ZNF652: variants seen among roughly 807,000 people sequenced by gnomAD.
The protein encoded by ZNF652 is zinc finger protein 652.
A neutral mutation model predicts 45.2 loss-of-function variants in ZNF652; 16 were observed. That is an observed-to-expected ratio of 0.35 (90% CI 0.24 to 0.54). The LOEUF is 0.54. Ranked by LOEUF, ZNF652 falls within the 20% of genes least tolerant of loss-of-function variation. The pLI, the probability that ZNF652 is intolerant of heterozygous loss-of-function variation, is 0.91. For synonymous variants in ZNF652, 250 were observed against 260.6 expected, an observed-to-expected ratio of 0.96 and a Z score of 0.39; for missense variants, 614 against 765.6, an observed-to-expected ratio of 0.80 and a Z score of 2.34.
At chr17:49,308,978 G>C (rs892732829) in intron 5 of ZNF652, among the ~76,000 whole-genome samples, 5 of 151,804 alleles carry the variant, frequency 3.3e-5, no homozygotes, top group Non-Finnish European at 7.4e-5. Flanking sequence ...ACATTTAAGG[G>C]TCTAAAAAAA....
Position 49,335,630 on chromosome 17 carries a change from T to C in ZNF652, c.-258-17647A>G, listed in dbSNP as rs190541609. On this transcript the variant is annotated intron_variant, in intron 1 of 5. Transcript: ENST00000430262. ...CATACTTTATTTGTTACTAATCAAATATATATATAACAGCCAGTTATGATA... is the reference window on the plus strand; with the variant it reads ...CATACTTTATTTGTTACTAATCAAACATATATATAACAGCCAGTTATGATA... 2.7e-4 allele frequency among the ~76,000 whole-genome samples: 41 copies of C among 152,288 alleles called. 1 individual carries two copies. Among genetic ancestry groups the C allele is most frequent in the African/African-American group, 9.6e-4 (40 of 41,562 alleles).
At chr17:49,348,846 G>C (rs2070239922) in intron 1 of ZNF652, among the ~76,000 whole-genome samples, 1 of 152,082 alleles carries the variant, frequency 6.6e-6, no homozygotes, top group South Asian at 2.1e-4. Context: ...ACTCATCCTA[G>C]TGTGTTTTTT....
chr17:49,353,926 C>A (rs1368248307), intron 1 of ZNF652, among the ~76,000 whole-genome samples: 1 of 152,152 alleles, frequency 6.6e-6, no homozygotes, highest in Non-Finnish European at 1.5e-5. Flanking sequence ...AAACATAAAT[C>A]ATCTTTAAAG....
At position 49,349,342 on chromosome 17, in the gene ZNF652, T is replaced by A. The variant is rs568406143; in HGVS notation, c.-259+12567A>T. ...TGAATCCAGGAGGCAGAGGTTGCAG[T>A]GAGTCGAGATCACACCATTGCACTC... On this transcript the variant is annotated intron_variant, in intron 1 of 5. Transcript: ENST00000430262. 9.2e-5 allele frequency among the ~76,000 whole-genome samples: 14 copies of A among 152,040 alleles called. No homozygotes were observed. The South Asian group carries it at 2.9e-3, about 32-fold the overall frequency.
intron 1 of ZNF652, among the ~76,000 whole-genome samples, chr17:49,358,395 C>T (rs759023726): frequency 2.6e-5 from 4 of 152,156 alleles, no homozygotes; most frequent in Non-Finnish European, 5.9e-5. Flanking sequence ...CCTAAGACTT[C>T]ACAACAAGGA....
chr17:49,351,011 A>ATATG (rs2070272576), intron 1 of ZNF652, among the ~76,000 whole-genome samples: 4 of 21,756 alleles, frequency 1.8e-4, no homozygotes, highest in Admixed American at 4.5e-4. Flanking sequence ...ATATATATAT[A>ATATG]TATACACACA....
At chr17:49,359,687 T>C (rs2070372872) in intron 1 of ZNF652, among the ~76,000 whole-genome samples, 1 of 152,170 alleles carries the variant, frequency 6.6e-6, no homozygotes, top group African/African-American at 2.4e-5. Flanking sequence ...ATAGCTGATA[T>C]TTATCACCTG....
chr17:49,307,938 A>C (rs2069655659), intron 5 of ZNF652, among the ~76,000 whole-genome samples: 1 of 152,220 alleles, frequency 6.6e-6, no homozygotes, highest in African/African-American at 2.4e-5. Context: ...GACATAATAC[A>C]GTAAAATTAA....
intron 1 of ZNF652, among the ~76,000 whole-genome samples, chr17:49,346,850 C>T (rs2070210196): frequency 6.6e-6 from 1 of 152,168 alleles, no homozygotes; most frequent in African/African-American, 2.4e-5. Context: ...CAGCTTGTGC[C>T]TATCTTAGTA....
At chr17:49,343,047 A>G (rs1029337267) in intron 1 of ZNF652, among the ~76,000 whole-genome samples, 12 of 151,584 alleles carry the variant, frequency 7.9e-5, no homozygotes, top group African/African-American at 2.9e-4. Flanking sequence ...ACACCCGGCT[A>G]ATTTTTGTAT....
At chr17:49,348,509 G>GAA (rs1259796401) in intron 1 of ZNF652, among the ~76,000 whole-genome samples, 8 of 125,626 alleles carry the variant, frequency 6.4e-5, no homozygotes, top group African/African-American at 1.8e-4. Context: ...GAAAAGAAAA[G>GAA]AAAAGAAAAG....
At chr17:49,309,652 T>G (rs1377303242) in intron 5 of ZNF652, among the ~76,000 whole-genome samples, 3 of 152,062 alleles carry the variant, frequency 2.0e-5, no homozygotes, top group Non-Finnish European at 4.4e-5. Flanking sequence ...AGCCACCAAA[T>G]TATAAGGAGA....
At chr17:49,360,984 C>T (rs1213468147) in intron 1 of ZNF652, among the ~76,000 whole-genome samples, 1 of 152,176 alleles carries the variant, frequency 6.6e-6, no homozygotes, top group Non-Finnish European at 1.5e-5. Context: ...GGCAGACTCA[C>T]GCAGGAACAC....
At chr17:49,345,975 A>C (rs2070201386) in intron 1 of ZNF652, among the ~76,000 whole-genome samples, 1 of 152,236 alleles carries the variant, frequency 6.6e-6, no homozygotes, top group African/African-American at 2.4e-5. Flanking sequence ...AACATCATCA[A>C]GCCTCAAAAT....
rs1294707855 is a variant in ZNF652 at position 49,297,535 on chromosome 17, A to C, written c.*878T>G. 1 of 152,632 alleles carries C rather than the reference A, an allele frequency of 6.6e-6. No homozygotes were observed. Among genetic ancestry groups the C allele is most frequent in the Non-Finnish European group, 1.5e-5 (1 of 68,036 alleles). The allele number at this position is 152,632 out of a possible 1,614,324, so 9.5% of individuals were successfully genotyped here. A position where few individuals can be genotyped will look rare whatever the true frequency, so the allele number is the denominator to read the frequency against. ...GGAGCCTCTCTTGAGTGTTAAGCAG[A>C]GATGTCAAAACTACCAAGTATTTAC... is the stretch of plus-strand genomic sequence containing the variant. On this transcript the variant is annotated 3_prime_UTR_variant, in exon 6 of 6. Transcript: ENST00000430262.
chr17:49,316,720 T>C, intron 2 of ZNF652, 106 bp downstream of exon 2: 2 of 1,171,012 alleles, frequency 1.7e-6, no homozygotes, highest in Non-Finnish European at 2.4e-6. Context: ...TGGTGAAAAC[T>C]GTCCCTTCAG....
chr17:49,331,964 G>A (rs1008967192), intron 1 of ZNF652, among the ~76,000 whole-genome samples: 3 of 139,190 alleles, frequency 2.2e-5, no homozygotes, highest in Non-Finnish European at 4.6e-5. Context: ...GTGAGACTTC[G>A]TCTCAAAAAA....
intron 5 of ZNF652, among the ~76,000 whole-genome samples, chr17:49,310,129 A>AT (rs1414700884): frequency 6.6e-6 from 1 of 151,960 alleles, no homozygotes; most frequent in Non-Finnish European, 1.5e-5. Flanking sequence ...AATTTTTTGT[A>AT]TTTTTAGTAG....
At chr17:49,327,211 G>C (rs983860715) in intron 1 of ZNF652, among the ~76,000 whole-genome samples, 72 of 152,090 alleles carry the variant, frequency 4.7e-4, no homozygotes, top group African/African-American at 1.6e-3. Context: ...TGCCCAGGTT[G>C]GAGTGCAGTG....
Sources: gnomAD v4.1 joint callset for allele counts (sites outside exome capture counted in the v4.1 genomes callset) on GRCh38, gnomAD v4.1.1 for gene constraint, MANE v1.5 for transcripts, NCBI Gene and HGNC (gene_info 2026-07-23, HGNC 2026-07-21) for gene names.